The following PARP9 variants were observed in gnomAD, a reference collection of about 807,000 sequenced individuals.
The protein encoded by PARP9 is protein mono-ADP-ribosyltransferase PARP9.
In PARP9, 48 loss-of-function variants were observed where a neutral mutation model predicts 68.8. The ratio of observed to expected loss-of-function variants is 0.70; its 90% CI spans 0.55 to 0.89. The LOEUF is 0.89. Among genes scored for constraint, PARP9 ranks in the 40% least tolerant of loss-of-function variants. The pLI is 0.00. For missense variants in PARP9, 806 were observed against 969.3 expected (o/e 0.83, Z 2.24); for synonymous variants, 309 against 333.8 (o/e 0.93, Z 0.81).
intron 5 of PARP9, 28 bp from the exon 6 acceptor site, chr3:122,550,830 G>C (rs1474288900): frequency 6.3e-7 from 1 of 1,579,850 alleles, no homozygotes; most frequent in Non-Finnish European, 8.7e-7. Flanking sequence ...TTTAAGATCA[G>C]CATTTGAGTC....
chr3:122,547,009 TATATAC>T (rs1273452337), intron 6 of PARP9, among the ~76,000 whole-genome samples: 3,073 of 92,610 alleles, frequency 0.033, 34 homozygotes, highest in Non-Finnish European at 0.047. Flanking sequence ...TATATATATA[TATATAC>T]ACACACACAC....
At chr3:122,556,240 G>C in intron 3 of PARP9, 119 bp from the exon 4 acceptor site, 1 of 670,642 alleles carries the variant, frequency 1.5e-6, no homozygotes, top group Non-Finnish European at 2.4e-6. Context: ...GCAAAAGAGA[G>C]ATGAACTTCA....
chr3:122,535,904 G>A, intron 10 of PARP9: 1 of 1,347,476 alleles, frequency 7.4e-7, no homozygotes, highest in Non-Finnish European at 9.5e-7. Flanking sequence ...AACACATAAA[G>A]GAGAAAAACA....
At position 122,545,467 on chromosome 3, in the gene PARP9, T is replaced by C. The variant is rs2078631634; in HGVS notation, c.1349A>G (p.Lys450Arg). Residue 450 changes from lysine to arginine, a missense_variant, in exon 7 of 11, where the codon AAG becomes AGG. Physicochemically the swap from Lys to Arg is conservative, Grantham distance 26. Transcript: ENST00000682323. ...GTTCAAACTCAGCATCTTGGACCTCTTTGCCATTTCAGAACTGAAAGCCTA... is the reference window on the plus strand; with the variant it reads ...GTTCAAACTCAGCATCTTGGACCTCCTTGCCATTTCAGAACTGAAAGCCTA... ...IYKAFSSEMAKRSKMLSLNNY... is the reference protein window; with the variant it reads ...IYKAFSSEMARRSKMLSLNNY... 1 of 1,614,232 alleles carries C rather than the reference T, an allele frequency of 6.2e-7. No individual in the cohort carries two copies. Among genetic ancestry groups the C allele is most frequent in the Non-Finnish European group, 8.5e-7 (1 of 1,180,038 alleles).
chr3:122,528,586 G>A lies in PARP9; in HGVS notation c.2238C>T (p.Pro746=). The A allele has an allele frequency of 6.2e-7, 1 of 1,614,116 alleles. No individual in the cohort carries two copies. Among genetic ancestry groups the A allele is most frequent in the South Asian group, 1.1e-5 (1 of 91,074 alleles). The change falls in exon 11 of 11, where the codon CCC becomes CCT. Residue 746 remains proline (P), a synonymous_variant. Coordinates refer to ENST00000682323, the MANE Select transcript of PARP9 (RefSeq NM_001146105.2). The part of the protein sequence containing the change: ...FCQGHPLNIV[P]PPLSPGAIDG... ...CTATAGCTCCAGGACTCAGTGGTGG[G>A]GGAACAATATTTAACGGATGTCCCT... is the stretch of plus-strand genomic sequence containing the variant.
At chr3:122,535,356 C>G (rs558765882) in intron 10 of PARP9, 93 of 985,106 alleles carry the variant, frequency 9.4e-5, no homozygotes, top group Middle Eastern at 5.2e-4. Flanking sequence ...ATTTCTAGAG[C>G]CTTTGCATCC....
chr3:122,555,757 A>G lies in PARP9; in HGVS notation c.414T>C (p.Gly138=), dbSNP rs1409632674. The change falls in exon 4 of 11, where the codon GGT becomes GGC. Residue 138 remains glycine, a synonymous_variant. Transcript: ENST00000682323. The stretch of plus-strand genomic sequence containing the variant: ...CAGCTATCTCACCAGCTGACACTTT[A>G]CCATATCTGGCAACAAACTGTTTGC... ...EESKQFVARY[G]KVSAGEIAVT... 4 of 1,613,894 alleles carry G rather than the reference A, an allele frequency of 2.5e-6. No homozygotes were observed. Among genetic ancestry groups the G allele is most frequent in the Non-Finnish European group, 3.4e-6 (4 of 1,179,978 alleles).
At chr3:122,552,980 A>G (rs968545047) in intron 4 of PARP9, among the ~76,000 whole-genome samples, 3 of 152,124 alleles carry the variant, frequency 2.0e-5, no homozygotes, top group Non-Finnish European at 4.4e-5. Context: ...AAATGGTTTC[A>G]TCTCTGCCCG....
chr3:122,537,080 A>G lies in PARP9; in HGVS notation c.1766-7T>C. 3 of 1,599,892 alleles carry G rather than the reference A, an allele frequency of 1.9e-6. No homozygotes were observed. In the Middle Eastern group the frequency reaches 5.2e-4, roughly 275 times the overall value. On this transcript the variant is annotated splice_region_variant and splice_polypyrimidine_tract_variant and intron_variant, in intron 8 of 10. Transcript: ENST00000682323. ...TGCTGAATAGTCCACTGTCCTAAAA[A>G]TGAGTAACACAAAAACTTTACTTCA...
intron 10 of PARP9, 182 bp downstream of exon 10, chr3:122,535,986 A>G (rs2077611525): frequency 9.4e-6 from 14 of 1,493,168 alleles, no homozygotes; most frequent in Non-Finnish European, 1.2e-5. Flanking sequence ...ATACGAAGGA[A>G]AAGTAAAAAA....
chr3:122,564,268 C>A lies in PARP9; in HGVS notation c.-113G>T. On this transcript the variant is annotated 5_prime_UTR_variant, in exon 1 of 11. Coordinates refer to ENST00000682323, the MANE Select transcript of PARP9 (RefSeq NM_001146105.2). ...ACCCGGCAGGCCGCTCTCCTCGGTG[C>A]AGACAGCACAGGGAGGAGGGGGAAG... 8.9e-6 allele frequency: 8 copies of A among 899,190 alleles called. No individual in the cohort carries two copies. Among genetic ancestry groups the A allele is most frequent in the Non-Finnish European group, 1.1e-5 (7 of 621,036 alleles). 55.7% of individuals were successfully genotyped at this position (899,190 alleles called of 1,614,324 possible).
At chr3:122,530,567 T>C (rs1382163955) in intron 10 of PARP9, among the ~76,000 whole-genome samples, 2 of 152,224 alleles carry the variant, frequency 1.3e-5, no homozygotes, top group Non-Finnish European at 2.9e-5. Context: ...GGCCAAATTC[T>C]GGATCTCGAA....
Position 122,528,538 on chromosome 3 carries a change from G to A in PARP9, c.2286C>T (p.Asp762=). The A allele has an allele frequency of 6.2e-7, 1 of 1,614,170 alleles. No homozygotes were observed. The highest frequency in any genetic ancestry group is 8.5e-7 in the Non-Finnish European group (1 of 1,180,016). The change falls in exon 11 of 11, where the codon GAC becomes GAT. Residue 762 remains aspartate (D), a synonymous_variant. Coordinates refer to ENST00000682323, the MANE Select transcript of PARP9 (RefSeq NM_001146105.2). ...GAIDGHDSVV[D]NVSSPETFVI... is the part of the protein sequence containing the mutation. ...CAAAGGTTTCAGGGCTGGAGACATT[G>A]TCAACCACACTGTCATGACCATCTA...
chr3:122,554,182 A>G (rs984495011), intron 4 of PARP9, among the ~76,000 whole-genome samples: 25 of 152,020 alleles, frequency 1.6e-4, no homozygotes, highest in African/African-American at 5.8e-4. Context: ...ATTCCTCTGC[A>G]TCTCTCTGAT....
intron 8 of PARP9, among the ~76,000 whole-genome samples, chr3:122,538,418 T>G (rs1416715675): frequency 1.3e-5 from 2 of 152,224 alleles, no homozygotes; most frequent in Admixed American, 6.5e-5. Context: ...CTGATGGATA[T>G]TTGATATTCC....
chr3:122,530,884 G>A (rs2077261145), intron 10 of PARP9, among the ~76,000 whole-genome samples: 1 of 152,136 alleles, frequency 6.6e-6, no homozygotes, highest in Non-Finnish European at 1.5e-5. Context: ...GCAACACAGT[G>A]AGACCCAATC....
At chr3:122,534,883 T>C in intron 10 of PARP9, 8 of 921,374 alleles carry the variant, frequency 8.7e-6, no homozygotes, top group Non-Finnish European at 9.1e-6. Flanking sequence ...CTCAGAAAAA[T>C]AAATAAATAA....
chr3:122,548,945 T>G (rs2078974595), intron 6 of PARP9, among the ~76,000 whole-genome samples: 1 of 152,162 alleles, frequency 6.6e-6, no homozygotes, highest in African/African-American at 2.4e-5. Context: ...TACAGCTCAT[T>G]ACAGTTGATG....
intron 10 of PARP9, chr3:122,535,333 C>T: frequency 1.0e-6 from 1 of 985,224 alleles, no homozygotes. Flanking sequence ...CTCTCCAGAA[C>T]AAAGAAAAGA....
Sources: allele counts gnomAD v4.1 joint callset (sites outside exome capture counted in the v4.1 genomes callset), GRCh38; gene constraint gnomAD v4.1.1; transcripts MANE v1.5; gene names NCBI Gene and HGNC (gene_info 2026-07-23, HGNC 2026-07-21).